The following CDH13 variants were observed in gnomAD, a reference collection of about 807,000 sequenced individuals.
CDH13 encodes cadherin 13, also known as cadherin-13.
A neutral mutation model predicts 63.8 loss-of-function variants in CDH13; 24 were observed. The observed-to-expected ratio is 0.38, with a 90% confidence interval of 0.27 to 0.53. The LOEUF (loss-of-function observed/expected upper bound fraction) is 0.53, where lower values mean the gene tolerates loss of function less well. Among genes scored for constraint, CDH13 ranks in the 20% least tolerant of loss-of-function variants. The probability of loss-of-function intolerance (pLI) is 0.85; values close to 1 mark genes in which losing one functional copy is unlikely to be tolerated. For missense variants in CDH13, 1,049 were observed against 903.1 expected (o/e 1.16, Z -2.07); for synonymous variants, 503 against 355.3 (o/e 1.42, Z -4.67).
At chr16:83,001,527 G>T (rs192055647) in intron 2 of CDH13, among the ~76,000 whole-genome samples, 14 of 152,364 alleles carry the variant, frequency 9.2e-5, no homozygotes, top group Admixed American at 3.3e-4. Flanking sequence ...CTCAGCCAGG[G>T]AGCTGCCACT....
chr16:82,819,626 T>C (rs2037901505), intron 1 of CDH13, among the ~76,000 whole-genome samples: 2 of 152,148 alleles, frequency 1.3e-5, no homozygotes. Flanking sequence ...TGCATGAAAG[T>C]TGACAGAGTT....
intron 2 of CDH13, among the ~76,000 whole-genome samples, chr16:82,889,558 G>C (rs1449153853): frequency 6.6e-6 from 1 of 152,156 alleles, no homozygotes; most frequent in East Asian, 1.9e-4. Context: ...AAAGCAAAGA[G>C]TACAATTTTT....
intron 1 of CDH13, among the ~76,000 whole-genome samples, chr16:82,753,460 A>G (rs988141683): frequency 2.6e-5 from 4 of 152,110 alleles, no homozygotes; most frequent in Admixed American, 2.6e-4. Flanking sequence ...TCCTAAATCT[A>G]AGAAATGGGC....
chr16:82,865,966 C>T (rs932649442), intron 2 of CDH13, among the ~76,000 whole-genome samples: 2 of 152,168 alleles, frequency 1.3e-5, no homozygotes, highest in Non-Finnish European at 2.9e-5. Flanking sequence ...CACTTTGCTG[C>T]TTAGAAATTT....
intron 7 of CDH13, among the ~76,000 whole-genome samples, chr16:83,584,193 T>G (rs1374651154): frequency 6.6e-6 from 1 of 151,844 alleles, no homozygotes; most frequent in Non-Finnish European, 1.5e-5. Flanking sequence ...TAGCCGGGCA[T>G]AGTGACAGGT....
At chr16:83,026,373 C>G (rs1053532331) in intron 2 of CDH13, among the ~76,000 whole-genome samples, 6 of 152,194 alleles carry the variant, frequency 3.9e-5, no homozygotes, top group African/African-American at 1.4e-4. Context: ...GCTAGTCAGT[C>G]AATCTCTCTG....
chr16:83,272,478 ATGT>A (rs748833857), intron 5 of CDH13, among the ~76,000 whole-genome samples: 2 of 152,174 alleles, frequency 1.3e-5, no homozygotes, highest in Non-Finnish European at 2.9e-5. Flanking sequence ...GTATTTTCCC[ATGT>A]TGTTCAAACT....
At chr16:82,952,117 C>T (rs1484904652) in intron 2 of CDH13, among the ~76,000 whole-genome samples, 2 of 152,212 alleles carry the variant, frequency 1.3e-5, no homozygotes, top group Admixed American at 6.5e-5. Context: ...TTTTTCCACA[C>T]TCAGACAACG....
Position 82,644,603 on chromosome 16 carries a change from C to T in CDH13, c.45+17466C>T, listed in dbSNP as rs184829822. Among the ~76,000 whole-genome samples the T allele has an allele frequency of 1.4e-3, 217 of 152,298 alleles. 1 individual carries two copies. Among genetic ancestry groups the T allele is most frequent in the African/African-American group, 4.9e-3 (204 of 41,558 alleles). ...GCTTTATGGAGGCAAAGCTGAGGGG[C>T]TGTACGTGTCTTCATAGGTCTCCAG... is the stretch of plus-strand genomic sequence containing the variant. On this transcript the variant is annotated intron_variant, in intron 1 of 13. Coordinates refer to ENST00000567109, the MANE Select transcript of CDH13 (RefSeq NM_001257.5). This position sits in a 1 kb window ranked among gnomAD's most constrained non-coding sequence, Gnocchi z 5.7.
chr16:83,211,824 T>C (rs1341759235), intron 4 of CDH13, among the ~76,000 whole-genome samples: 8 of 151,982 alleles, frequency 5.3e-5, no homozygotes, highest in East Asian at 1.9e-4. Context: ...CTGTGTGCTA[T>C]TTACATGCCC....
chr16:82,941,190 T>C (rs1475556077), intron 2 of CDH13, among the ~76,000 whole-genome samples: 1 of 152,206 alleles, frequency 6.6e-6, no homozygotes, highest in Non-Finnish European at 1.5e-5. Context: ...ATTTATTCAT[T>C]CATTAACCAT....
intron 3 of CDH13, among the ~76,000 whole-genome samples, chr16:83,110,721 A>G (rs1236131269): frequency 6.6e-6 from 1 of 152,064 alleles, no homozygotes; most frequent in Non-Finnish European, 1.5e-5. Flanking sequence ...TCTGGATCCA[A>G]CCAGCTTTTG....
chr16:82,682,405 G>C (rs1004270207), intron 1 of CDH13, among the ~76,000 whole-genome samples: 1 of 152,168 alleles, frequency 6.6e-6, no homozygotes, highest in African/African-American at 2.4e-5. Context: ...AAACAGAGGA[G>C]AGGCCACCTA....
chr16:82,839,684 C>T (rs58602850), intron 1 of CDH13, among the ~76,000 whole-genome samples: 46,499 of 152,080 alleles, frequency 0.31, 8,558 homozygotes, highest in East Asian at 0.81. Flanking sequence ...CACCTCTCTG[C>T]TAGGGCTTAT....
intron 3 of CDH13, among the ~76,000 whole-genome samples, chr16:83,083,574 T>C (rs892366550): frequency 2.0e-5 from 3 of 152,160 alleles, no homozygotes; most frequent in Non-Finnish European, 2.9e-5. Flanking sequence ...CCACCGAAAT[T>C]CTGTTGTTTT....
intron 4 of CDH13, among the ~76,000 whole-genome samples, chr16:83,216,563 A>C (rs957977038): frequency 5.1e-4 from 72 of 142,442 alleles, no homozygotes; most frequent in African/African-American, 1.7e-3. Context: ...AATATATATA[A>C]TATGTAGGGT....
intron 1 of CDH13, among the ~76,000 whole-genome samples, chr16:82,836,733 C>G (rs1224698686): frequency 6.6e-6 from 1 of 152,162 alleles, no homozygotes; most frequent in Non-Finnish European, 1.5e-5. Context: ...CACCTGGGCT[C>G]AGCTTAGAAA....
At chr16:82,920,229 A>G (rs1222827354) in intron 2 of CDH13, among the ~76,000 whole-genome samples, 1 of 152,142 alleles carries the variant, frequency 6.6e-6, no homozygotes, top group African/African-American at 2.4e-5. Context: ...TGTTGGCTCC[A>G]TTCCCCATGC....
intron 9 of CDH13, among the ~76,000 whole-genome samples, chr16:83,671,860 G>A (rs1032017309): frequency 1.3e-5 from 2 of 152,248 alleles, no homozygotes; most frequent in African/African-American, 2.4e-5. Flanking sequence ...AGAAATATTA[G>A]TGGGGGTGGT....
Sources: allele counts gnomAD v4.1 joint callset (sites outside exome capture counted in the v4.1 genomes callset), GRCh38; gene constraint gnomAD v4.1.1; non-coding constraint Gnocchi (gnomAD v3.1); transcripts MANE v1.5; gene names NCBI Gene and HGNC (gene_info 2026-07-23, HGNC 2026-07-21).